The following RGS5 variants were observed in gnomAD, a reference collection of about 807,000 sequenced individuals.
RGS5 encodes regulator of G-protein signalling 5.
Under a neutral mutation model 18.9 loss-of-function variants are expected in RGS5, and 20 were observed. The observed-to-expected ratio is 1.06, with a 90% CI of 0.74 to 1.54. The LOEUF (loss-of-function observed/expected upper bound fraction) is 1.54, where lower values mean the gene tolerates loss of function less well. Ranked by LOEUF, RGS5 falls within the 40% of genes most tolerant of loss-of-function variation. RGS5 has a pLI of 0.00. For missense variants in RGS5, 201 were observed against 211.8 expected, an observed-to-expected ratio of 0.95 and a Z score of 0.32; for synonymous variants, 57 against 76.2, an observed-to-expected ratio of 0.75 and a Z score of 1.31.
intron 2 of RGS5, among the ~76,000 whole-genome samples, chr1:163,165,902 T>C (rs1305789827): frequency 1.1e-5 from 1 of 87,406 alleles, no homozygotes; most frequent in Non-Finnish European, 2.2e-5. Context: ...CGAAATTCCG[T>C]CTCAAAAAAA....
At chr1:163,292,758 T>C (rs1230142680) in intron 2 of RGS5, among the ~76,000 whole-genome samples, 2 of 152,240 alleles carry the variant, frequency 1.3e-5, no homozygotes, top group East Asian at 3.8e-4. Context: ...TTGGCATTTC[T>C]CTAATGATCA....
At chr1:163,228,978 A>G (rs1417582866) in intron 2 of RGS5, among the ~76,000 whole-genome samples, 1 of 152,170 alleles carries the variant, frequency 6.6e-6, no homozygotes. Flanking sequence ...ACAAGTTTCT[A>G]GGAAGTTCCA....
intron 3 of RGS5, among the ~76,000 whole-genome samples, chr1:163,160,441 T>A (rs974120815): frequency 7.9e-5 from 12 of 152,288 alleles, no homozygotes; most frequent in East Asian, 7.7e-4. Context: ...GCAAAATGAA[T>A]TTAGTTCATT....
At position 163,146,775 on chromosome 1, in the gene RGS5, T is replaced by A. The variant is rs1005303085; in HGVS notation, c.*567A>T. 6 of 152,192 alleles carry A rather than the reference T, an allele frequency of 3.9e-5. No homozygotes were observed. The East Asian group carries it at 1.2e-3, about 29-fold the overall frequency. The allele number at this position is 152,192 out of a possible 1,614,324, so 9.4% of individuals were successfully genotyped here. On this transcript the variant is annotated 3_prime_UTR_variant, in exon 5 of 5. Transcript: ENST00000313961. ...TCTTATTTATAATACCCAACTAACATGAAGGTGGTCCAAGGGAAGGATCAA... is the reference window on the plus strand; with the variant it reads ...TCTTATTTATAATACCCAACTAACAAGAAGGTGGTCCAAGGGAAGGATCAA...
intron 2 of RGS5, among the ~76,000 whole-genome samples, chr1:163,252,814 C>T (rs1249733267): frequency 6.6e-6 from 1 of 152,134 alleles, no homozygotes. Flanking sequence ...ATATTGCTAA[C>T]AGATGGCCAC....
upstream of RGS5, among the ~76,000 whole-genome samples, chr1:163,222,292 T>C (rs7551895): frequency 0.55 from 84,018 of 151,846 alleles, 23,502 homozygotes; most frequent in Non-Finnish European, 0.61. Context: ...AACTCTATTG[T>C]GAACTGTGCA....
chr1:163,161,598 A>G (rs1362954051), intron 3 of RGS5: 1 of 242,858 alleles, frequency 4.1e-6, no homozygotes, highest in East Asian at 9.5e-5. Flanking sequence ...TAATTTCTCT[A>G]TTTTACTGAT....
intron 2 of RGS5, among the ~76,000 whole-genome samples, chr1:163,288,085 A>G (rs1190190442): frequency 6.6e-6 from 1 of 152,150 alleles, no homozygotes; most frequent in Non-Finnish European, 1.5e-5. Context: ...AGATAAATTT[A>G]AAAGCACACA....
At chr1:163,245,218 A>G (rs984712887) in intron 2 of RGS5, among the ~76,000 whole-genome samples, 1 of 151,974 alleles carries the variant, frequency 6.6e-6, no homozygotes, top group Admixed American at 6.6e-5. Flanking sequence ...CTTTTCACTC[A>G]CTTCTACTTT....
chr1:163,227,275 T>G (rs141601730), intron 2 of RGS5, among the ~76,000 whole-genome samples: 4 of 152,302 alleles, frequency 2.6e-5, no homozygotes, highest in Admixed American at 6.5e-5. Flanking sequence ...AGTAATTTAT[T>G]AAGAAAACAG....
At chr1:163,203,747 TTCTTTGTA>T (rs1399649866), upstream of RGS5, among the ~76,000 whole-genome samples, 6 of 152,156 alleles carry the variant, frequency 3.9e-5, no homozygotes, top group Admixed American at 2.0e-4. Flanking sequence ...TGCTTTGTAA[TTCTTTGTA>T]CCTCCCCACC....
At chr1:163,272,988 G>C (rs188036287) in intron 2 of RGS5, among the ~76,000 whole-genome samples, 6 of 151,998 alleles carry the variant, frequency 3.9e-5, no homozygotes, top group Admixed American at 3.9e-4. Flanking sequence ...TTTGAATCAT[G>C]AGGGGTTTTT....
At chr1:163,311,445 C>T (rs560492535) in intron 1 of RGS5, among the ~76,000 whole-genome samples, 1 of 152,292 alleles carries the variant, frequency 6.6e-6, no homozygotes, top group South Asian at 2.1e-4. Flanking sequence ...TAGCTTTTGG[C>T]CTATCTTAGC....
At chr1:163,273,032 G>T (rs1026425653) in intron 2 of RGS5, among the ~76,000 whole-genome samples, 20 of 151,758 alleles carry the variant, frequency 1.3e-4, no homozygotes, top group Admixed American at 4.6e-4. Context: ...CCATATACTT[G>T]ACATTTTCCC....
At chr1:163,229,513 T>C (rs893917244) in intron 2 of RGS5, among the ~76,000 whole-genome samples, 4 of 152,154 alleles carry the variant, frequency 2.6e-5, no homozygotes, top group African/African-American at 9.7e-5. Context: ...ACATTAAAAG[T>C]CTCAAGACTG....
chr1:163,306,210 T>C (rs1036735508), intron 2 of RGS5: 2 of 152,326 alleles, frequency 1.3e-5, no homozygotes, highest in African/African-American at 2.4e-5. Context: ...TAATCCTCTA[T>C]GTGCTGTTGA....
At chr1:163,234,611 A>G (rs1051914821) in intron 2 of RGS5, among the ~76,000 whole-genome samples, 28 of 152,196 alleles carry the variant, frequency 1.8e-4, no homozygotes, top group African/African-American at 6.8e-4. Flanking sequence ...AGATCATAGA[A>G]TGTGTTTGTA....
intron 1 of RGS5, among the ~76,000 whole-genome samples, chr1:163,169,889 A>G (rs1054767009): frequency 9.2e-5 from 14 of 152,196 alleles, no homozygotes; most frequent in African/African-American, 3.4e-4. Flanking sequence ...TTGATAAATG[A>G]GTACTAATTG....
chr1:163,285,066 C>T (rs1393146964), intron 2 of RGS5, among the ~76,000 whole-genome samples: 3 of 152,156 alleles, frequency 2.0e-5, no homozygotes, highest in Non-Finnish European at 4.4e-5. Context: ...GACTTACTCA[C>T]TACCATGAGA....
Sources: gnomAD v4.1 joint callset for allele counts (sites outside exome capture counted in the v4.1 genomes callset) on GRCh38, gnomAD v4.1.1 for gene constraint, MANE v1.5 for transcripts, NCBI Gene and HGNC (gene_info 2026-07-23, HGNC 2026-07-21) for gene names.